CUEDC1: variants seen among roughly 807,000 people sequenced by gnomAD.
CUEDC1 encodes CUE domain-containing protein 1.
A neutral mutation model predicts 43.7 loss-of-function variants in CUEDC1; 30 were observed. The ratio of observed to expected loss-of-function variants is 0.69; its 90% CI spans 0.51 to 0.93. The LOEUF (loss-of-function observed/expected upper bound fraction) is 0.93. Ranked by LOEUF, CUEDC1 falls within the 40% of genes least tolerant of loss-of-function variation. CUEDC1 has a pLI of 0.00. For missense variants in CUEDC1, 486 were observed against 549.0 expected, an observed-to-expected ratio of 0.89 and a Z score of 1.15; for synonymous variants, 223 against 223.6, an observed-to-expected ratio of 1.00 and a Z score of 0.02.
intron 1 of CUEDC1, among the ~76,000 whole-genome samples, chr17:57,932,863 A>T (rs2074822190): frequency 7.5e-6 from 1 of 133,846 alleles, no homozygotes; most frequent in Non-Finnish European, 1.6e-5. Flanking sequence ...ACTCTGTCTT[A>T]AAAAAAAAAA....
At chr17:57,907,405 C>T (rs759592652) in intron 1 of CUEDC1, among the ~76,000 whole-genome samples, 18 of 152,044 alleles carry the variant, frequency 1.2e-4, no homozygotes, top group Non-Finnish European at 2.6e-4. Flanking sequence ...AGAGGACCCT[C>T]AGTCAGGCTG....
In CUEDC1 at chr17:57,862,285, A is replaced by C. The variant is rs2073891547; in HGVS notation, c.*1004T>G. 1 of 153,432 alleles carries C rather than the reference A, an allele frequency of 6.5e-6. No individual in the cohort carries two copies. The highest frequency in any genetic ancestry group is 2.1e-4 in the South Asian group (1 of 4,854). The allele number at this position is 153,432 out of a possible 1,614,324, so 9.5% of individuals were successfully genotyped here. A position where few individuals can be genotyped will look rare whatever the true frequency, so the allele number is the denominator to read the frequency against. On this transcript the variant is annotated 3_prime_UTR_variant, in exon 11 of 11. Coordinates refer to ENST00000577830, the MANE Select transcript of CUEDC1 (RefSeq NM_001271875.2). ...TCACCCGCCCTTCTCAGGGGCACCC[A>C]GCAAGCCCTTATGCCCTAGGCGCTC...
At position 57,862,760 on chromosome 17, in the gene CUEDC1, G is replaced by T. The variant is rs918341814; in HGVS notation, c.*529C>A. 6 of 152,750 alleles carry T rather than the reference G, an allele frequency of 3.9e-5. No individual in the cohort carries two copies. Among genetic ancestry groups the T allele is most frequent in the African/African-American group, 1.4e-4 (6 of 41,464 alleles). 9.5% of individuals were successfully genotyped at this position (152,750 alleles called of 1,614,324 possible). A position where few individuals can be genotyped will look rare whatever the true frequency, so the allele number is the denominator to read the frequency against. ...CCGGGGGAAGGCTGAGATACAGGAGGACATGGAAGGGAAGGGCACAAGTGC... is the reference window on the plus strand; with the variant it reads ...CCGGGGGAAGGCTGAGATACAGGAGTACATGGAAGGGAAGGGCACAAGTGC... On this transcript the variant is annotated 3_prime_UTR_variant, in exon 11 of 11. Transcript: ENST00000577830.
chr17:57,903,937 C>CAAA (rs34746551), intron 1 of CUEDC1, among the ~76,000 whole-genome samples: 13 of 139,110 alleles, frequency 9.3e-5, no homozygotes, highest in African/African-American at 3.3e-4. Context: ...GACCGTGTTT[C>CAAA]AAAAAAAAAA....
chr17:57,947,013 G>A (rs1307056733), intron 1 of CUEDC1, among the ~76,000 whole-genome samples: 2 of 151,974 alleles, frequency 1.3e-5, no homozygotes. Context: ...TCCCAGCTGT[G>A]GGTACAGCCT....
intron 3 of CUEDC1, among the ~76,000 whole-genome samples, chr17:57,875,578 A>AT (rs1269137259): frequency 2.6e-5 from 4 of 152,120 alleles, no homozygotes; most frequent in Non-Finnish European, 5.9e-5. Flanking sequence ...TGAGACGCAA[A>AT]TAAAAAAAAA....
At chr17:57,866,336 A>C in intron 10 of CUEDC1, 138 bp downstream of exon 10, 1 of 669,442 alleles carries the variant, frequency 1.5e-6, no homozygotes. Flanking sequence ...CGCAACTATG[A>C]GGGAAGACAC....
chr17:57,920,389 A>C (rs2074686574), intron 1 of CUEDC1, among the ~76,000 whole-genome samples: 1 of 152,136 alleles, frequency 6.6e-6, no homozygotes, highest in Non-Finnish European at 1.5e-5. Context: ...GCTGAAGGTA[A>C]TATTACTATG....
intron 1 of CUEDC1, among the ~76,000 whole-genome samples, chr17:57,927,831 A>G (rs1485418320): frequency 6.6e-6 from 1 of 152,270 alleles, no homozygotes; most frequent in Non-Finnish European, 1.5e-5. Flanking sequence ...AGCTTTAAAA[A>G]TATTATCCCA....
chr17:57,879,082 G>C (rs1327460733), intron 3 of CUEDC1, among the ~76,000 whole-genome samples: 1 of 152,230 alleles, frequency 6.6e-6, no homozygotes, highest in East Asian at 1.9e-4. Context: ...AAAGAGACTT[G>C]CTCTCATTGC....
At chr17:57,897,655 A>G (rs1597993024) in intron 1 of CUEDC1, among the ~76,000 whole-genome samples, 1 of 54,240 alleles carries the variant, frequency 1.8e-5, no homozygotes, top group Non-Finnish European at 3.6e-5. Context: ...GGTCTCAATG[A>G]AAAAAAAAAA....
At chr17:57,893,939 CA>C (rs2074382845) in intron 1 of CUEDC1, among the ~76,000 whole-genome samples, 1 of 152,080 alleles carries the variant, frequency 6.6e-6, no homozygotes, top group African/African-American at 2.4e-5. Context: ...ACTAAAAATA[CA>C]AAAATTAGCC....
At chr17:57,945,204 C>A (rs566136814) in intron 1 of CUEDC1, among the ~76,000 whole-genome samples, 27 of 152,188 alleles carry the variant, frequency 1.8e-4, no homozygotes, top group Non-Finnish European at 3.1e-4. Context: ...CCATTACGCA[C>A]AAAAGCCTGC....
chr17:57,872,035 C>A (rs2074041429), intron 5 of CUEDC1, among the ~76,000 whole-genome samples: 1 of 152,264 alleles, frequency 6.6e-6, no homozygotes, highest in South Asian at 2.1e-4. Context: ...CTTGCTCCTC[C>A]CCCACCAACA....
At chr17:57,926,671 T>C (rs747793) in intron 1 of CUEDC1, among the ~76,000 whole-genome samples, 117,860 of 152,192 alleles carry the variant, frequency 0.77, 47,697 homozygotes, top group East Asian at 0.95. Context: ...AGCTGTCAAA[T>C]TCTAAACAAA....
Position 57,929,578 on chromosome 17 carries a change from A to T in CUEDC1, c.-316+25647T>A, listed in dbSNP as rs1300260288. 2.0e-5 allele frequency among the ~76,000 whole-genome samples: 3 copies of T among 152,138 alleles called. No homozygotes were observed. The East Asian group carries it at 5.8e-4, about 29-fold the overall frequency. ...ACTTCCCTCTTAGAACAGGGTATAG[A>T]CCAGTCTGGATGTTCTCAGACTGGC... On this transcript the variant is annotated intron_variant, in intron 1 of 10. Transcript: ENST00000577830.
rs752386729 is a variant in CUEDC1 at position 57,868,132 on chromosome 17, C to T, written c.1034+18G>A. 2 of 1,606,814 alleles carry T rather than the reference C, an allele frequency of 1.2e-6. No individual in the cohort carries two copies. Among genetic ancestry groups the T allele is most frequent in the Admixed American group, 1.7e-5 (1 of 60,002 alleles). On this transcript the variant is annotated intron_variant, in intron 8 of 10. Transcript: ENST00000577830. ...TTGGCTTCCACCACCCCCACCAGTG[C>T]CAGGCTGGAAAGGATACGACTGATG...
chr17:57,901,537 A>G (rs1443948993), intron 1 of CUEDC1, among the ~76,000 whole-genome samples: 6 of 152,174 alleles, frequency 3.9e-5, no homozygotes, highest in Non-Finnish European at 7.3e-5. Context: ...CTCTGTAAAC[A>G]CTGAGTCTGC....
chr17:57,931,596 T>C (rs1213438893), intron 1 of CUEDC1, among the ~76,000 whole-genome samples: 1 of 152,124 alleles, frequency 6.6e-6, no homozygotes, highest in East Asian at 1.9e-4. Context: ...CACATATGCA[T>C]GGACTCAGGG....
Sources: allele counts gnomAD v4.1 joint callset (sites outside exome capture counted in the v4.1 genomes callset), GRCh38; gene constraint gnomAD v4.1.1; transcripts MANE v1.5; gene names NCBI Gene and HGNC (gene_info 2026-07-23, HGNC 2026-07-21).